CUL5: variants seen among roughly 807,000 people sequenced by gnomAD.
CUL5 encodes the protein cullin 5, also known as cullin-5.
Under a neutral mutation model 108.8 loss-of-function variants are expected in CUL5, and 26 were observed. That is an observed-to-expected ratio of 0.24 (90% CI 0.18 to 0.33). CUL5 has a LOEUF of 0.33. Ranked by LOEUF, CUL5 falls within the 10% of genes least tolerant of loss-of-function variation. The probability of loss-of-function intolerance (pLI) is 1.00; values close to 1 mark genes in which losing one functional copy is unlikely to be tolerated. For synonymous variants in CUL5, 334 were observed against 298.0 expected (o/e 1.12, Z -1.25); for missense variants, 524 against 909.2 (o/e 0.58, Z 5.45).
rs906899722 is a variant in CUL5, at chr11:108,034,056, T to C, written c.134+145T>C. ...TTACATTGAGGGTCTCCAAGACCTCTCCCAGGTATGATGATTTGCTAGGGG... is the reference window on the plus strand; with the variant it reads ...TTACATTGAGGGTCTCCAAGACCTCCCCCAGGTATGATGATTTGCTAGGGG... On this transcript the variant is annotated intron_variant, in intron 2 of 18. Transcript: ENST00000393094. The C allele has an allele frequency of 8.4e-6, 5 of 592,450 alleles. No individual in the cohort carries two copies. In the African/African-American group the frequency reaches 9.5e-5, roughly 11 times the overall value. The allele number at this position is 592,450 out of a possible 1,614,324, so 36.7% of individuals were successfully genotyped here.
chr11:108,044,963 A>G (rs1475201085), intron 2 of CUL5, among the ~76,000 whole-genome samples: 1 of 151,934 alleles, frequency 6.6e-6, no homozygotes, highest in Non-Finnish European at 1.5e-5. Context: ...GGGTTTTACC[A>G]TGTTGGCCAG....
chr11:108,033,708 C>A, intron 1 of CUL5, 94 bp from the exon 2 acceptor site: 1 of 708,714 alleles, frequency 1.4e-6, no homozygotes, highest in Non-Finnish European at 2.4e-6. Context: ...AAATTTGAGC[C>A]CTTCATTTCT....
chr11:108,009,662 A>G (rs558311762), intron 1 of CUL5, among the ~76,000 whole-genome samples: 1 of 152,324 alleles, frequency 6.6e-6, no homozygotes, highest in African/African-American at 2.4e-5. Flanking sequence ...CGGGAGATGA[A>G]TGGTCGTGCG....
intron 1 of CUL5, among the ~76,000 whole-genome samples, chr11:108,013,622 A>C (rs1862110200): frequency 6.6e-6 from 1 of 152,158 alleles, no homozygotes; most frequent in South Asian, 2.1e-4. Flanking sequence ...GATTGGATCT[A>C]GTGAGATGGA....
chr11:108,074,712 A>G (rs1863905677), intron 10 of CUL5, among the ~76,000 whole-genome samples: 1 of 152,062 alleles, frequency 6.6e-6, no homozygotes, highest in Non-Finnish European at 1.5e-5. Flanking sequence ...AGACTGAGGC[A>G]GGAGAATTGC....
intron 11 of CUL5, among the ~76,000 whole-genome samples, chr11:108,086,044 T>C (rs11212509): frequency 0.17 from 25,139 of 152,162 alleles, 2,763 homozygotes; most frequent in East Asian, 0.34. Context: ...GAAATTGTTA[T>C]CTGAGGAAAG....
chr11:108,021,310 C>T (rs548076617), intron 1 of CUL5, among the ~76,000 whole-genome samples: 8 of 152,146 alleles, frequency 5.3e-5, no homozygotes, highest in African/African-American at 9.6e-5. Flanking sequence ...ATGTTATGGG[C>T]GTGTAAAAGT....
At chr11:108,077,492 C>T (rs750349574) in intron 10 of CUL5, among the ~76,000 whole-genome samples, 57 of 151,914 alleles carry the variant, frequency 3.8e-4, no homozygotes, top group African/African-American at 8.7e-4. Flanking sequence ...TAGCCAGGCA[C>T]GGTGGTGCGC....
At chr11:108,080,476 A>C (rs1359997434) in intron 11 of CUL5, among the ~76,000 whole-genome samples, 1 of 151,742 alleles carries the variant, frequency 6.6e-6, no homozygotes, top group East Asian at 1.9e-4. Flanking sequence ...TCTTACTGCA[A>C]CATCCACCTC....
chr11:108,072,443 C>T lies in CUL5; in HGVS notation c.986C>T (p.Ala329Val), dbSNP rs1483220589. ...ISAGLADMVA[A>V]AETITTDSEK... ...GCTGGCCTGGCAGATATGGTAGCAGCTGCTGAAACTATTACTACTGTAAGT... is the reference window on the plus strand; with the variant it reads ...GCTGGCCTGGCAGATATGGTAGCAGTTGCTGAAACTATTACTACTGTAAGT... Residue 329 changes from alanine (A) to valine (V), a missense_variant, in exon 9 of 19, where the codon GCT (alanine) becomes GTT (valine). By Grantham distance (64) the Ala-to-Val change is moderately conservative. Transcript: ENST00000393094. 1 of 1,609,812 alleles carries T rather than the reference C, an allele frequency of 6.2e-7. No individual in the cohort carries two copies. The highest frequency in any genetic ancestry group is 1.1e-5 in the South Asian group (1 of 90,156).
At chr11:108,072,911 TAA>T (rs1863859431) in intron 9 of CUL5, among the ~76,000 whole-genome samples, 1 of 152,004 alleles carries the variant, frequency 6.6e-6, no homozygotes, top group African/African-American at 2.4e-5. Context: ...ATTTTCTCTG[TAA>T]AACAGGGAGC....
At chr11:108,078,955 TATTG>T (rs1864003286) in intron 11 of CUL5, among the ~76,000 whole-genome samples, 1 of 152,168 alleles carries the variant, frequency 6.6e-6, no homozygotes, top group African/African-American at 2.4e-5. Flanking sequence ...CATATTATAA[TATTG>T]ATATATTTTA....
chr11:108,026,385 T>G (rs1283345391), intron 1 of CUL5, among the ~76,000 whole-genome samples: 1 of 152,142 alleles, frequency 6.6e-6, no homozygotes, highest in Non-Finnish European at 1.5e-5. Flanking sequence ...CTGTCAACAT[T>G]CTAACATTTC....
At chr11:108,085,609 T>G (rs879171163) in intron 11 of CUL5, among the ~76,000 whole-genome samples, 1 of 152,174 alleles carries the variant, frequency 6.6e-6, no homozygotes, top group Admixed American at 6.5e-5. Flanking sequence ...AGATATGTGT[T>G]AAAAAAGGAA....
intron 1 of CUL5, among the ~76,000 whole-genome samples, chr11:108,009,748 GA>G (rs1235726417): frequency 6.6e-6 from 1 of 152,160 alleles, no homozygotes. Context: ...CGCATCAAAG[GA>G]AAAACCAAGA....
intron 7 of CUL5, among the ~76,000 whole-genome samples, chr11:108,063,659 A>AT (rs1290534424): frequency 0.039 from 1,048 of 26,626 alleles, 9 homozygotes; most frequent in Non-Finnish European, 0.062. Flanking sequence ...TAAAATTTAA[A>AT]AAAAATAAAT....
At chr11:108,041,380 C>T (rs1401265681) in intron 2 of CUL5, among the ~76,000 whole-genome samples, 5 of 151,104 alleles carry the variant, frequency 3.3e-5, no homozygotes, top group Admixed American at 6.6e-5. Flanking sequence ...CAGGCTCAAG[C>T]GATTCTCCTG....
At chr11:108,036,341 C>A (rs1862742972) in intron 2 of CUL5, among the ~76,000 whole-genome samples, 1 of 152,198 alleles carries the variant, frequency 6.6e-6, no homozygotes, top group African/African-American at 2.4e-5. Context: ...CTCACTAACT[C>A]TTCCTGATTG....
At position 108,033,786 on chromosome 11, in the gene CUL5, C is replaced by CTTT; in HGVS notation, c.25-7_25-5dup. 2 of 1,152,388 alleles carry CTTT rather than the reference C, an allele frequency of 1.7e-6. No individual in the cohort carries two copies. Among genetic ancestry groups the CTTT allele is most frequent in the Non-Finnish European group, 1.2e-6 (1 of 838,112 alleles). The allele number at this position is 1,152,388 out of a possible 1,614,324, so 71.4% of individuals were successfully genotyped here. On this transcript the variant is annotated splice_polypyrimidine_tract_variant and intron_variant, in intron 1 of 18. Coordinates refer to ENST00000393094, the MANE Select transcript of CUL5 (RefSeq NM_003478.6). ...GCATTTAAATTAAACTCCCTTTTAT[C>CTTT]TTTTTTTTTTTCAAGAATAAAGGTT...
Sources: allele counts gnomAD v4.1 joint callset (sites outside exome capture counted in the v4.1 genomes callset), GRCh38; gene constraint gnomAD v4.1.1; transcripts MANE v1.5; gene names NCBI Gene and HGNC (gene_info 2026-07-23, HGNC 2026-07-21).